Variants in STPG1 observed in about 807,000 individuals in gnomAD.
STPG1 encodes the protein sperm tail PG-rich repeat containing 1.
A neutral mutation model predicts 40.1 loss-of-function variants in STPG1; 33 were observed. The observed-to-expected ratio is 0.82, with a 90% CI of 0.62 to 1.10. The LOEUF is 1.10. Ranked by LOEUF, STPG1 falls within the 50% of genes least tolerant of loss-of-function variation. The probability of loss-of-function intolerance (pLI) is 0.00; values close to 1 mark genes in which losing one functional copy is unlikely to be tolerated. For missense variants in STPG1, 396 were observed against 415.1 expected (o/e 0.95, Z 0.40); for synonymous variants, 150 against 155.0 (o/e 0.97, Z 0.24).
chr1:24,373,186 A>G (rs1223714415), intron 6 of STPG1, among the ~76,000 whole-genome samples: 1 of 152,190 alleles, frequency 6.6e-6, no homozygotes, highest in African/African-American at 2.4e-5. Context: ...ATGACGGCAG[A>G]CCTGCAAGAC....
chr1:24,379,572 G>T, intron 5 of STPG1, 81 bp downstream of exon 5: 2 of 1,483,374 alleles, frequency 1.3e-6, no homozygotes, highest in South Asian at 1.2e-5. Flanking sequence ...AAAATACGAT[G>T]TCCCCAAGAT....
intron 1 of STPG1, among the ~76,000 whole-genome samples, chr1:24,402,731 G>T (rs1275235653): frequency 1.4e-5 from 2 of 145,566 alleles, no homozygotes; most frequent in African/African-American, 5.1e-5. Flanking sequence ...GGACAACAGA[G>T]CAACAGCCTA....
intron 1 of STPG1, among the ~76,000 whole-genome samples, chr1:24,407,559 C>G (rs530523245): frequency 3.3e-5 from 5 of 151,880 alleles, no homozygotes; most frequent in African/African-American, 9.7e-5. Flanking sequence ...TCTGTGTCAG[C>G]CTCCCGAGTA....
At chr1:24,395,011 G>C (rs943823478) in intron 2 of STPG1, among the ~76,000 whole-genome samples, 3 of 151,950 alleles carry the variant, frequency 2.0e-5, no homozygotes, top group Non-Finnish European at 2.9e-5. Flanking sequence ...TGAAGAAAAT[G>C]ACACCGTAGG....
intron 2 of STPG1, among the ~76,000 whole-genome samples, chr1:24,392,846 G>A (rs867412864): frequency 5.3e-5 from 6 of 113,202 alleles, no homozygotes; most frequent in Non-Finnish European, 7.8e-5. Flanking sequence ...GGAAATACGC[G>A]CAGAAATGGG....
intron 8 of STPG1, 103 bp from the exon 9 acceptor site, chr1:24,358,722 C>A (rs1640891021): frequency 1.2e-6 from 1 of 810,450 alleles, no homozygotes; most frequent in Non-Finnish European, 2.0e-6. Flanking sequence ...GACCCCTGTG[C>A]CAGCCCCTGT....
At chr1:24,383,202 C>T (rs181322365) in intron 4 of STPG1, among the ~76,000 whole-genome samples, 2 of 152,302 alleles carry the variant, frequency 1.3e-5, no homozygotes, top group Non-Finnish European at 2.9e-5. Flanking sequence ...CATGAGCCAC[C>T]GTGCCTGTCC....
intron 5 of STPG1, among the ~76,000 whole-genome samples, chr1:24,374,251 TTTTTTG>T (rs1557440498): frequency 2.7e-4 from 25 of 91,524 alleles, no homozygotes; most frequent in Middle Eastern, 4.4e-3. Context: ...AGTGTTTTTT[TTTTTTG>T]TTTTTTTTTT....
chr1:24,372,878 C>A (rs1328001362), intron 6 of STPG1, among the ~76,000 whole-genome samples: 1 of 152,118 alleles, frequency 6.6e-6, no homozygotes, highest in African/African-American at 2.4e-5. Flanking sequence ...TCTGTGGGAC[C>A]TATTTGGGAT....
chr1:24,363,682 A>G (rs1046673239), intron 7 of STPG1, among the ~76,000 whole-genome samples: 1 of 152,230 alleles, frequency 6.6e-6, no homozygotes, highest in Admixed American at 6.5e-5. Context: ...AGGTTAAAAT[A>G]AAAAACTGCA....
Position 24,360,941 on chromosome 1 carries a change from G to T in STPG1, c.838C>A (p.Pro280Thr). 1.2e-6 allele frequency: 2 copies of T among 1,614,088 alleles called. No homozygotes were observed. The highest frequency in any genetic ancestry group is 1.7e-6 in the Non-Finnish European group (2 of 1,179,998). The change falls in exon 8 of 9, where the codon CCC becomes ACC. Residue 280 changes from proline to threonine, a missense_variant. Pro to Thr is a conservative substitution (Grantham distance 38). Coordinates refer to ENST00000337248, the MANE Select transcript of STPG1 (RefSeq NM_001199013.2). The part of the protein sequence containing the change: ...GQYEIVDYLG[P>T]RKHFISSASF... ...GCACTAGAGATGAAATGCTTGCGGGGGCCTAAGTAGTCCACGATCTCATAC... is the reference window on the plus strand; with the variant it reads ...GCACTAGAGATGAAATGCTTGCGGGTGCCTAAGTAGTCCACGATCTCATAC...
intron 5 of STPG1, among the ~76,000 whole-genome samples, chr1:24,376,156 G>A (rs1439327996): frequency 6.6e-6 from 1 of 152,172 alleles, no homozygotes; most frequent in African/African-American, 2.4e-5. Flanking sequence ...GAGTAGCTGG[G>A]ATTACAGGTG....
At position 24,358,615 on chromosome 1, in the gene STPG1, C is replaced by G; in HGVS notation, c.933G>C (p.Thr311=). ...GCTTTCCTGGAAGCTCTGGCTTGTA[C>G]GTAGCTGTGAGGGGACAGAGAGGCG... ...PPQPGLPGPA[T]YKPELPGKQS... The change falls in exon 9 of 9, where the codon ACG becomes ACC. Residue 311 remains threonine, a synonymous_variant. Coordinates refer to ENST00000337248, the MANE Select transcript of STPG1 (RefSeq NM_001199013.2). The G allele has an allele frequency of 6.2e-7, 1 of 1,613,154 alleles. No individual in the cohort carries two copies. Among genetic ancestry groups the G allele is most frequent in the Non-Finnish European group, 8.5e-7 (1 of 1,179,218 alleles).
chr1:24,408,021 T>C (rs1243468531), intron 1 of STPG1, among the ~76,000 whole-genome samples: 1 of 152,252 alleles, frequency 6.6e-6, no homozygotes, highest in East Asian at 1.9e-4. Flanking sequence ...TTCCTTTTCA[T>C]GTCTGGTAAT....
intron 7 of STPG1, among the ~76,000 whole-genome samples, chr1:24,363,166 C>T (rs1641232513): frequency 6.6e-6 from 1 of 152,224 alleles, no homozygotes; most frequent in Non-Finnish European, 1.5e-5. Flanking sequence ...TGTCTGCTTT[C>T]TTAGCCAAGG....
chr1:24,384,062 C>A, intron 3 of STPG1, 59 bp from the exon 4 acceptor site: 1 of 1,059,270 alleles, frequency 9.4e-7, no homozygotes, highest in Admixed American at 1.7e-5. Flanking sequence ...TGCTTTTCCA[C>A]AGGCTTTACA....
rs1185539504 is a variant in STPG1 at position 24,369,788 on chromosome 1, A to AT, written c.622dup (p.Met208AsnfsTer5). On this transcript the variant is annotated frameshift_variant, in exon 7 of 9. Coordinates refer to ENST00000337248, the MANE Select transcript of STPG1 (RefSeq NM_001199013.2). LOFTEE classifies it high-confidence loss of function. ...GTTGGTTTTTGATTTAAAACAAGAC[A>AT]TTAATGTATTTGGCGACTGCTTCAC... 3 of 1,612,830 alleles carry AT rather than the reference A, an allele frequency of 1.9e-6. No homozygotes were observed. In the African/African-American group the frequency reaches 4.0e-5, roughly 22 times the overall value.
intron 5 of STPG1, among the ~76,000 whole-genome samples, chr1:24,377,650 T>C (rs551555904): frequency 1.3e-5 from 2 of 152,114 alleles, no homozygotes; most frequent in South Asian, 2.1e-4. Flanking sequence ...TTGACCACAG[T>C]TTGTAATTAT....
intron 5 of STPG1, among the ~76,000 whole-genome samples, chr1:24,378,673 T>C (rs549117119): frequency 5.3e-5 from 8 of 152,214 alleles, no homozygotes; most frequent in Admixed American, 4.6e-4. Context: ...ATTTTTGTAG[T>C]CAGAAAAATA....
Sources: allele counts gnomAD v4.1 joint callset (sites outside exome capture counted in the v4.1 genomes callset), GRCh38; gene constraint gnomAD v4.1.1; transcripts MANE v1.5; gene names NCBI Gene and HGNC (gene_info 2026-07-23, HGNC 2026-07-21).